The following B4GALNT3 variants were observed in gnomAD, a reference collection of about 807,000 sequenced individuals.
The protein encoded by B4GALNT3 is beta-1,4-N-acetylgalactosaminyltransferase 3.
B4GALNT3 carries 86 observed loss-of-function variants against 120.2 expected under a neutral mutation model. The ratio of observed to expected loss-of-function variants is 0.72; its 90% CI spans 0.60 to 0.86. The LOEUF (loss-of-function observed/expected upper bound fraction) is 0.86, where lower values mean the gene tolerates loss of function less well. Among genes scored for constraint, B4GALNT3 ranks in the 40% least tolerant of loss-of-function variants. The pLI is 0.00. For missense variants in B4GALNT3, 1,167 were observed against 1,298.9 expected, an observed-to-expected ratio of 0.90 and a Z score of 1.56; for synonymous variants, 518 against 510.4, an observed-to-expected ratio of 1.01 and a Z score of -0.20.
chr12:549,903 C>T lies in B4GALNT3; in HGVS notation c.988C>T (p.Leu330Phe). The part of the protein sequence containing the change: ...DMLRPDPRDT[L>F]YRVPLIPKSH... Reference sequence around the variant, plus strand: ...GCTTCGGCCTGACCCCCGGGACACCCTCTATCGAGGTAAGGCCTCGGCCAG... The same window carrying T: ...GCTTCGGCCTGACCCCCGGGACACCTTCTATCGAGGTAAGGCCTCGGCCAG... Residue 330 changes from leucine to phenylalanine, a missense_variant, in exon 10 of 20, where the codon CTC becomes TTC. This residue lies in a region of B4GALNT3 where 983 missense variants were observed against 1,102.5 expected (regional missense o/e 0.89). Transcript: ENST00000266383. The T allele has an allele frequency of 6.2e-7, 1 of 1,612,400 alleles. No individual in the cohort carries two copies.
chr12:507,767 G>A (rs888706018), intron 1 of B4GALNT3, among the ~76,000 whole-genome samples: 2 of 152,200 alleles, frequency 1.3e-5, no homozygotes, highest in African/African-American at 4.8e-5. Context: ...TGTGGCATGC[G>A]GAACATTCCT....
chr12:550,485 TCAAAAAAAACAAACAAA>T lies in B4GALNT3; in HGVS notation c.998-424_998-408del, dbSNP rs1440229155. 6.7e-6 allele frequency among the ~76,000 whole-genome samples: 1 copy of T among 149,356 alleles called. No homozygotes were observed. The highest frequency in any genetic ancestry group is 1.5e-5 in the Non-Finnish European group (1 of 67,426). The stretch of plus-strand genomic sequence containing the variant: ...GCCTGGGTGACAGAGTGAGATCCTG[TCAAAAAAAACAAACAAA>T]CAAAAAAAACAACAAAGTTTCTTTA... On this transcript the variant is annotated intron_variant, in intron 10 of 19. Transcript: ENST00000266383. The surrounding 1 kb of genome is among the most constrained non-coding windows in gnomAD (Gnocchi z 4.1).
At chr12:555,052 C>T (rs1947136168) in intron 14 of B4GALNT3, among the ~76,000 whole-genome samples, 1 of 151,900 alleles carries the variant, frequency 6.6e-6, no homozygotes, top group African/African-American at 2.4e-5. Flanking sequence ...ATGGCATGCA[C>T]CTGTATCCCC....
chr12:508,677 C>T (rs1946519859), intron 1 of B4GALNT3, among the ~76,000 whole-genome samples: 1 of 152,172 alleles, frequency 6.6e-6, no homozygotes, highest in Non-Finnish European at 1.5e-5. Flanking sequence ...ATTACCTTTT[C>T]CCTCTGACCT....
At chr12:509,231 C>T (rs1038344451) in intron 1 of B4GALNT3, among the ~76,000 whole-genome samples, 1 of 152,212 alleles carries the variant, frequency 6.6e-6, no homozygotes, top group Non-Finnish European at 1.5e-5. Flanking sequence ...GCTCAGATCC[C>T]GCCTAGGAGG....
At chr12:506,793 C>T (rs897630456) in intron 1 of B4GALNT3, among the ~76,000 whole-genome samples, 3 of 152,132 alleles carry the variant, frequency 2.0e-5, no homozygotes, top group East Asian at 1.9e-4. Context: ...CATACCACCA[C>T]GCCCGGCTAA....
chr12:556,909 C>T lies in B4GALNT3; in HGVS notation c.2380+43C>T, dbSNP rs756877149. 15 of 1,561,718 alleles carry T rather than the reference C, an allele frequency of 9.6e-6. No homozygotes were observed. The Admixed American group carries it at 2.5e-4, about 26-fold the overall frequency. On this transcript the variant is annotated intron_variant, in intron 15 of 19. Coordinates refer to ENST00000266383, the MANE Select transcript of B4GALNT3 (RefSeq NM_173593.4). ...CCTCGGCATTCTCAGGGGCGGGGTCCTCACACTGTCAGGAGCACCCACATC... is the reference window on the plus strand; with the variant it reads ...CCTCGGCATTCTCAGGGGCGGGGTCTTCACACTGTCAGGAGCACCCACATC...
intron 3 of B4GALNT3, among the ~76,000 whole-genome samples, chr12:537,562 T>A (rs1274888468): frequency 6.6e-6 from 1 of 152,216 alleles, no homozygotes; most frequent in Non-Finnish European, 1.5e-5. Flanking sequence ...TGGCCCCAGA[T>A]TCTTTTTCTT....
At chr12:473,557 G>T (rs910649560) in intron 1 of B4GALNT3, among the ~76,000 whole-genome samples, 1 of 152,152 alleles carries the variant, frequency 6.6e-6, no homozygotes, top group African/African-American at 2.4e-5. Context: ...TTTAATTAAG[G>T]GTTGTCTTGT....
chr12:552,310 C>A (rs1001914986), intron 12 of B4GALNT3, 147 bp downstream of exon 12: 6 of 763,526 alleles, frequency 7.9e-6, no homozygotes, highest in African/African-American at 3.6e-5. Flanking sequence ...CACACACACA[C>A]ACACACACAC....
At chr12:518,064 G>GTT in intron 1 of B4GALNT3, among the ~76,000 whole-genome samples, 1 of 152,180 alleles carries the variant, frequency 6.6e-6, no homozygotes, top group East Asian at 1.9e-4. Context: ...TTACAGGGCT[G>GTT]TTGTGCATTG....
chr12:511,635 CCTTCCACCTT>C (rs1250108055), intron 1 of B4GALNT3, among the ~76,000 whole-genome samples: 1 of 146,540 alleles, frequency 6.8e-6, no homozygotes. Context: ...CGACCTTCCA[CCTTCCACCTT>C]CTTCCACCTT....
intron 5 of B4GALNT3, 41 bp from the exon 6 acceptor site, chr12:545,328 G>GCC: frequency 6.3e-7 from 1 of 1,576,786 alleles, no homozygotes; most frequent in South Asian, 1.2e-5. Flanking sequence ...TTATGCTGAT[G>GCC]CCCTCCTTGC....
chr12:527,427 C>T (rs944096561), intron 1 of B4GALNT3, among the ~76,000 whole-genome samples: 2 of 152,250 alleles, frequency 1.3e-5, no homozygotes, highest in Non-Finnish European at 2.9e-5. Flanking sequence ...AGCCTGCCTG[C>T]AGCCACAGCC....
intron 1 of B4GALNT3, among the ~76,000 whole-genome samples, chr12:506,646 A>AT (rs1025201099): frequency 4.7e-5 from 7 of 147,950 alleles, no homozygotes; most frequent in Admixed American, 1.3e-4. Flanking sequence ...TATTTTATTT[A>AT]TTTTTTTTGA....
chr12:546,791 C>T (rs1371849295), intron 7 of B4GALNT3, 78 bp downstream of exon 7: 1 of 1,374,488 alleles, frequency 7.3e-7, no homozygotes, highest in Non-Finnish European at 1.0e-6. Context: ...TCCGCCAGCC[C>T]AGCTGCCGAC....
intron 1 of B4GALNT3, among the ~76,000 whole-genome samples, chr12:525,041 T>C (rs905921544): frequency 2.0e-5 from 3 of 152,242 alleles, no homozygotes; most frequent in Admixed American, 2.0e-4. Flanking sequence ...TTTGACATCT[T>C]ACTGTAGTCA....
At chr12:526,312 C>T (rs1322786089) in intron 1 of B4GALNT3, among the ~76,000 whole-genome samples, 1 of 152,182 alleles carries the variant, frequency 6.6e-6, no homozygotes, top group Non-Finnish European at 1.5e-5. Context: ...TACTCCTGAC[C>T]ACCACTAAAC....
At chr12:485,412 C>G (rs952230500) in intron 1 of B4GALNT3, among the ~76,000 whole-genome samples, 1 of 152,228 alleles carries the variant, frequency 6.6e-6, no homozygotes, top group East Asian at 1.9e-4. Flanking sequence ...CATTTTCTAT[C>G]TCTACTTGGA....
Sources: gnomAD v4.1 joint callset for allele counts (sites outside exome capture counted in the v4.1 genomes callset) on GRCh38, gnomAD v4.1.1 for gene constraint, gnomAD v4.1.1 regional missense constraint, Gnocchi (gnomAD v3.1) non-coding constraint, MANE v1.5 for transcripts, NCBI Gene and HGNC (gene_info 2026-07-23, HGNC 2026-07-21) for gene names.